DYNC1H1: variants seen among roughly 807,000 people sequenced by gnomAD.
The protein encoded by DYNC1H1 is dynein cytoplasmic 1 heavy chain 1, also known as cytoplasmic dynein 1 heavy chain 1.
Under a neutral mutation model 527.1 loss-of-function variants are expected in DYNC1H1, and 51 were observed. That is an observed-to-expected ratio of 0.10 (90% CI 0.08 to 0.12). The LOEUF (loss-of-function observed/expected upper bound fraction) is 0.12. Ranked by LOEUF, DYNC1H1 falls within the 10% of genes least tolerant of loss-of-function variation. The pLI is 1.00. For missense variants in DYNC1H1, 2,771 were observed against 5,971.8 expected, an observed-to-expected ratio of 0.46 and a Z score of 17.66; for synonymous variants, 2,189 against 2,278.8, an observed-to-expected ratio of 0.96 and a Z score of 1.12.
intron 72 of DYNC1H1, among the ~76,000 whole-genome samples, chr14:102,047,158 C>CA (rs1408406943): frequency 6.6e-6 from 1 of 152,152 alleles, no homozygotes; most frequent in Non-Finnish European, 1.5e-5. Context: ...TTTTAACAGT[C>CA]ATGTTCTCGA....
intron 76 of DYNC1H1, 22 bp from the exon 77 acceptor site, chr14:102,050,049 G>C (rs368640710): frequency 6.2e-7 from 1 of 1,614,042 alleles, no homozygotes; most frequent in Non-Finnish European, 8.5e-7. Flanking sequence ...CCTCAGCCTG[G>C]GTTTTGGCTT....
rs1409048577 is a variant in DYNC1H1 at position 101,985,296 on chromosome 14, T to G, written c.1462-391T>G. On this transcript the variant is annotated intron_variant, in intron 7 of 77. Coordinates refer to ENST00000360184, the MANE Select transcript of DYNC1H1 (RefSeq NM_001376.5). This position sits in a 1 kb window ranked among gnomAD's most constrained non-coding sequence, Gnocchi z 5.9. ...TAAATGACTAATTTCTTTATATATA[T>G]TTTTTTCTCTTCTGAATTTATCTTT... is the stretch of plus-strand genomic sequence containing the variant. Among the ~76,000 whole-genome samples, 1 of 152,172 alleles carries G rather than the reference T, an allele frequency of 6.6e-6. No individual in the cohort carries two copies. Among genetic ancestry groups the G allele is most frequent in the Non-Finnish European group, 1.5e-5 (1 of 68,022 alleles).
In DYNC1H1 at chr14:102,015,783, G is replaced by C. The variant is rs1199036821; in HGVS notation, c.7243-73G>C. 6.5e-7 allele frequency: 1 copy of C among 1,530,238 alleles called. No homozygotes were observed. The highest frequency in any genetic ancestry group is 1.4e-5 in the African/African-American group (1 of 73,352). 94.8% of individuals were successfully genotyped at this position (1,530,238 alleles called of 1,614,324 possible). A position where few individuals can be genotyped will look rare whatever the true frequency, so the allele number is the denominator to read the frequency against. ...TCCAAGGTCGTATGACCTTCTCCTG[G>C]GACCAGGTTAGAATCGATGAAACTC... On this transcript the variant is annotated intron_variant, in intron 35 of 77. Coordinates refer to ENST00000360184, the MANE Select transcript of DYNC1H1 (RefSeq NM_001376.5). This position sits in a 1 kb window ranked among gnomAD's most constrained non-coding sequence, Gnocchi z 6.9.
At chr14:101,975,884 T>G in intron 2 of DYNC1H1, 85 bp downstream of exon 2, 1 of 1,120,500 alleles carries the variant, frequency 8.9e-7, no homozygotes, top group African/African-American at 1.6e-5. Flanking sequence ...AACTCAGAAA[T>G]TCTTACTAAG....
chr14:102,013,964 T>C (rs1462867217), intron 34 of DYNC1H1, among the ~76,000 whole-genome samples: 1 of 152,156 alleles, frequency 6.6e-6, no homozygotes, highest in African/African-American at 2.4e-5. Flanking sequence ...CTGATCAGCT[T>C]ATGAGCCTTT....
Position 102,051,616 on chromosome 14 carries a change from T to C in DYNC1H1, c.*1053T>C, listed in dbSNP as rs953661663. 1 of 152,256 alleles carries C rather than the reference T, an allele frequency of 6.6e-6. No individual in the cohort carries two copies. The highest frequency in any genetic ancestry group is 6.5e-5 in the Admixed American group (1 of 15,282). The allele number at this position is 152,256 out of a possible 1,614,324, so 9.4% of individuals were successfully genotyped here. On this transcript the variant is annotated 3_prime_UTR_variant, in exon 78 of 78. Coordinates refer to ENST00000360184, the MANE Select transcript of DYNC1H1 (RefSeq NM_001376.5). ...ACAGTGGCCCATACAGCTGACTGTT[T>C]GCATCTCACGTTCACATTGCTAGAG...
At position 102,032,415 on chromosome 14, in the gene DYNC1H1, A is replaced by G; in HGVS notation, c.10027A>G (p.Met3343Val). 6.2e-7 allele frequency: 1 copy of G among 1,614,212 alleles called. No individual in the cohort carries two copies. The highest frequency in any genetic ancestry group is 8.5e-7 in the Non-Finnish European group (1 of 1,180,048). ...TDWKQIRSII[M>V]RENFIPTIVN... ...CTGGAAGCAGATCCGCTCCATCATCATGCGGGAGAACTTCATCCCCACCAT... is the reference window on the plus strand; with the variant it reads ...CTGGAAGCAGATCCGCTCCATCATCGTGCGGGAGAACTTCATCCCCACCAT... The change falls in exon 52 of 78, where the codon ATG becomes GTG. Residue 3343 changes from methionine to valine, a missense_variant. By Grantham distance (21) the Met-to-Val change is conservative. This residue lies in a region of DYNC1H1 where 283 missense variants were observed against 737.6 expected (regional missense o/e 0.38). Transcript: ENST00000360184.
chr14:102,013,378 T>TG (rs2048282077), intron 34 of DYNC1H1, among the ~76,000 whole-genome samples: 1 of 148,778 alleles, frequency 6.7e-6, no homozygotes, highest in Non-Finnish European at 1.5e-5. Context: ...CAGGTGTTGG[T>TG]GGGGGTTGGA....
In DYNC1H1 at chr14:102,011,638, G is replaced by T; in HGVS notation, c.6619-237G>T. 1 of 542,890 alleles carries T rather than the reference G, an allele frequency of 1.8e-6. No individual in the cohort carries two copies. Among genetic ancestry groups the T allele is most frequent in the Non-Finnish European group, 3.3e-6 (1 of 302,040 alleles). 33.6% of individuals were successfully genotyped at this position (542,890 alleles called of 1,614,324 possible). ...CCATAGATAGGCGCTTGTAAAGCCA[G>T]CTACTTGGGAGAGTGAGGAAGGAGA... On this transcript the variant is annotated intron_variant, in intron 32 of 77. Coordinates refer to ENST00000360184, the MANE Select transcript of DYNC1H1 (RefSeq NM_001376.5). This position sits in a 1 kb window ranked among gnomAD's most constrained non-coding sequence, Gnocchi z 5.3.
At position 101,983,341 on chromosome 14, in the gene DYNC1H1, A is replaced by C. The variant is rs760115240; in HGVS notation, c.1234-41A>C. Reference sequence around the variant, plus strand: ...AACCTCAAGACATTGAGATGAAAATATGTCTTAATAATAAGCCTCACTTTT... The same window carrying C: ...AACCTCAAGACATTGAGATGAAAATCTGTCTTAATAATAAGCCTCACTTTT... On this transcript the variant is annotated intron_variant, in intron 6 of 77. Coordinates refer to ENST00000360184, the MANE Select transcript of DYNC1H1 (RefSeq NM_001376.5). This position sits in a 1 kb window ranked among gnomAD's most constrained non-coding sequence, Gnocchi z 5.3. 1 of 1,614,106 alleles carries C rather than the reference A, an allele frequency of 6.2e-7. No individual in the cohort carries two copies. The highest frequency in any genetic ancestry group is 8.5e-7 in the Non-Finnish European group (1 of 1,179,924).
Position 102,018,630 on chromosome 14 carries a change from C to A in DYNC1H1, c.8343+14C>A. 6.2e-7 allele frequency: 1 copy of A among 1,612,996 alleles called. No homozygotes were observed. The highest frequency in any genetic ancestry group is 1.1e-5 in the South Asian group (1 of 91,030). ...ACCATGTCTCAGGTACGCAGAGTTT[C>A]TTTGCTCTTCCAGAAATTGTTTTCC... On this transcript the variant is annotated intron_variant, in intron 41 of 77. Transcript: ENST00000360184. This position sits in a 1 kb window ranked among gnomAD's most constrained non-coding sequence, Gnocchi z 5.2.
chr14:102,049,926 C>T lies in DYNC1H1; in HGVS notation c.13684+44C>T, dbSNP rs566843410. On this transcript the variant is annotated intron_variant, in intron 76 of 77. Transcript: ENST00000360184. This position sits in a 1 kb window ranked among gnomAD's most constrained non-coding sequence, Gnocchi z 5.5. ...AAAATACTGGCTCTTTGCAGGTGAC[C>T]TCGGTGGCCTGAGACCATTGTTCCC... 6 of 1,558,028 alleles carry T rather than the reference C, an allele frequency of 3.9e-6. No individual in the cohort carries two copies. Among genetic ancestry groups the T allele is most frequent in the African/African-American group, 2.7e-5 (2 of 74,278 alleles).
Position 102,047,641 on chromosome 14 carries a change from G to GTGTA in DYNC1H1, c.13007-175_13007-174insGTAT. The GTGTA allele has an allele frequency of 3.6e-3, 1,142 of 316,068 alleles. 10 individuals are homozygous for GTGTA. The highest frequency in any genetic ancestry group is 8.0e-3 in the Admixed American group (171 of 21,422). 19.6% of individuals were successfully genotyped at this position (316,068 alleles called of 1,614,324 possible). The stretch of plus-strand genomic sequence containing the variant: ...TACACGTGTGTGTGTGTGTGTGTGT[G>GTGTA]TATATATATATATATATATATATGT... On this transcript the variant is annotated intron_variant, in intron 72 of 77. Coordinates refer to ENST00000360184, the MANE Select transcript of DYNC1H1 (RefSeq NM_001376.5).
chr14:101,988,676 T>G, intron 9 of DYNC1H1, 27 bp from the exon 10 acceptor site: 1 of 1,614,072 alleles, frequency 6.2e-7, no homozygotes, highest in Non-Finnish European at 8.5e-7. Flanking sequence ...GAAGAAACAC[T>G]GTTCTCTGAT....
intron 43 of DYNC1H1, among the ~76,000 whole-genome samples, chr14:102,025,110 C>T (rs558717549): frequency 8.6e-5 from 13 of 151,920 alleles, no homozygotes; most frequent in African/African-American, 3.1e-4. Context: ...CCAAGGTGGG[C>T]GGATCACCTG....
chr14:101,980,040 C>G, intron 4 of DYNC1H1, 66 bp downstream of exon 4: 2 of 1,609,286 alleles, frequency 1.2e-6, no homozygotes, highest in South Asian at 2.2e-5. Flanking sequence ...GAAAACTGAT[C>G]TGGATTTTGT....
rs2048617245 is a variant in DYNC1H1 at position 102,039,418 on chromosome 14, T to G, written c.11467T>G (p.Phe3823Val). Reference protein sequence around the residue: ...FTMESLKQIHFLYQYSLQFFL... With the variant: ...FTMESLKQIHVLYQYSLQFFL... ...GCCCACTGCTTCCTTTCAGATACACTTCTTGTACCAGTACTCCCTCCAGTT... is the reference window on the plus strand; with the variant it reads ...GCCCACTGCTTCCTTTCAGATACACGTCTTGTACCAGTACTCCCTCCAGTT... Residue 3823 changes from phenylalanine to valine, a missense_variant, in exon 61 of 78, where the codon TTC becomes GTC. Phe to Val is a conservative substitution (Grantham distance 50). This residue lies in a region of DYNC1H1 where 283 missense variants were observed against 737.6 expected (regional missense o/e 0.38). Transcript: ENST00000360184. This position sits in a 1 kb window ranked among gnomAD's most constrained non-coding sequence, Gnocchi z 7.0. 6.2e-7 allele frequency: 1 copy of G among 1,614,102 alleles called. No homozygotes were observed. Among genetic ancestry groups the G allele is most frequent in the Admixed American group, 1.7e-5 (1 of 60,006 alleles).
In DYNC1H1 at chr14:102,016,601, A is replaced by G; in HGVS notation, c.7614+112A>G. On this transcript the variant is annotated intron_variant, in intron 37 of 77. Transcript: ENST00000360184. The surrounding 1 kb of genome is among the most constrained non-coding windows in gnomAD (Gnocchi z 7.3). ...TCGTCTTTTCATTTTATTCCATTTC[A>G]TAGAAGGACTTTATCCTTTTAGTTC... The G allele has an allele frequency of 1.9e-6, 3 of 1,594,334 alleles. No homozygotes were observed. Among genetic ancestry groups the G allele is most frequent in the Non-Finnish European group, 2.6e-6 (3 of 1,164,518 alleles).
rs186770424 is a variant in DYNC1H1 at position 101,997,345 on chromosome 14, C to T, written c.3804+71C>T. On this transcript the variant is annotated intron_variant, in intron 16 of 77. Coordinates refer to ENST00000360184, the MANE Select transcript of DYNC1H1 (RefSeq NM_001376.5). The surrounding 1 kb of genome is among the most constrained non-coding windows in gnomAD (Gnocchi z 4.8). ...TGTGATTTGGTGACTTTCTTTCAAG[C>T]CTAAAAGGCCTTGCTGTGACTGAGC... is the stretch of plus-strand genomic sequence containing the variant. 12 of 1,609,364 alleles carry T rather than the reference C, an allele frequency of 7.5e-6. No individual in the cohort carries two copies. In the East Asian group the frequency reaches 2.2e-4, roughly 30 times the overall value.
Sources: allele counts gnomAD v4.1 joint callset (sites outside exome capture counted in the v4.1 genomes callset), GRCh38; gene constraint gnomAD v4.1.1; regional missense constraint gnomAD v4.1.1; non-coding constraint Gnocchi (gnomAD v3.1); transcripts MANE v1.5; gene names NCBI Gene and HGNC (gene_info 2026-07-23, HGNC 2026-07-21).